Variants in POLA1 observed in about 807,000 individuals in gnomAD.
POLA1 encodes the protein DNA polymerase alpha catalytic subunit.
POLA1 carries 15 observed loss-of-function variants against 124.0 expected under a neutral mutation model. The observed-to-expected ratio is 0.12, with a 90% CI of 0.08 to 0.19. POLA1 has a LOEUF of 0.19. POLA1 is among the 10% of genes least tolerant of loss of function. POLA1 has a pLI of 1.00. For missense variants in POLA1, 886 were observed against 1,103.4 expected, an observed-to-expected ratio of 0.80 and a Z score of 2.79; for synonymous variants, 408 against 389.4, an observed-to-expected ratio of 1.05 and a Z score of -0.56.
chrX:24,894,545 G>A (rs746758313), intron 35 of POLA1, among the ~76,000 whole-genome samples: 1 of 112,144 alleles, frequency 8.9e-6, no homozygotes, highest in South Asian at 3.7e-4. Flanking sequence ...TTTTCCCTCT[G>A]AAATTTACGG....
chrX:24,704,445 G>A lies in POLA1; in HGVS notation c.322G>A (p.Asp108Asn). The stretch of plus-strand genomic sequence containing the variant: ...GATTTTTGATGATGACCTTGAAGAT[G>A]ATGCCCTTGATGCTGATGAGAAAGG... ...REIFDDDLED[D>N]ALDADEKGKD... The change falls in exon 4 of 37, where the codon GAT becomes AAT. Residue 108 changes from aspartate (D) to asparagine (N), a missense_variant. This residue lies in a region of POLA1 where 337 missense variants were observed against 402.8 expected (regional missense o/e 0.84). Coordinates refer to ENST00000379068, the MANE Select transcript of POLA1 (RefSeq NM_001330360.2). The A allele has an allele frequency of 8.4e-7, 1 of 1,189,499 alleles. No homozygotes were observed. Among genetic ancestry groups the A allele is most frequent in the Non-Finnish European group, 1.1e-6 (1 of 875,557 alleles).
intron 34 of POLA1, among the ~76,000 whole-genome samples, chrX:24,877,104 A>G (rs1469733266): frequency 8.9e-6 from 1 of 112,170 alleles, no homozygotes; most frequent in Non-Finnish European, 1.9e-5. Flanking sequence ...TAAAAGATGT[A>G]CAAAGTGGAA....
chrX:24,873,051 A>G (rs1156372925), intron 34 of POLA1, among the ~76,000 whole-genome samples: 1 of 111,108 alleles, frequency 9.0e-6, no homozygotes, highest in Admixed American at 9.6e-5. Context: ...CATCACCCAG[A>G]GTCCATAGTT....
intron 26 of POLA1, among the ~76,000 whole-genome samples, chrX:24,764,918 A>G (rs1300310748): frequency 1.8e-5 from 2 of 110,489 alleles, no homozygotes; most frequent in Non-Finnish European, 3.8e-5. Context: ...GTCCCCCCCA[A>G]TCTATTCTCA....
At chrX:24,816,275 G>A (rs953787801) in intron 30 of POLA1, among the ~76,000 whole-genome samples, 2 of 112,183 alleles carry the variant, frequency 1.8e-5, no homozygotes, top group African/African-American at 6.5e-5. Flanking sequence ...TGCATGTAGT[G>A]GTGATGATAT....
rs142034131 is a variant in POLA1, at chrX:24,860,396, C to T, written c.4047+16719C>T. On this transcript the variant is annotated intron_variant, in intron 34 of 36. Coordinates refer to ENST00000379068, the MANE Select transcript of POLA1 (RefSeq NM_001330360.2). ...TGCCCAGTGGACTTCCTTCCTGTTC[C>T]ATACTTGACTGGTAGTTATGGAGCA... Among the ~76,000 whole-genome samples the T allele has an allele frequency of 1.2e-4, 13 of 112,416 alleles. No individual in the cohort carries two copies. In the East Asian group the frequency reaches 2.2e-3, roughly 19 times the overall value.
intron 36 of POLA1, among the ~76,000 whole-genome samples, chrX:24,980,714 T>C (rs961349051): frequency 1.8e-5 from 2 of 110,902 alleles, no homozygotes; most frequent in African/African-American, 3.3e-5. Context: ...GGCTTTTCAC[T>C]TGTAGACTAG....
intron 2 of POLA1, among the ~76,000 whole-genome samples, chrX:24,700,970 A>G (rs889847456): frequency 1.8e-5 from 2 of 111,714 alleles, no homozygotes; most frequent in African/African-American, 6.5e-5. Context: ...TTAAAGATTG[A>G]GTCGAAATGA....
intron 35 of POLA1, among the ~76,000 whole-genome samples, chrX:24,929,397 G>A (rs2047740513): frequency 8.9e-6 from 1 of 112,370 alleles, no homozygotes; most frequent in African/African-American, 3.2e-5. Flanking sequence ...TGGGTGTTCA[G>A]TGTTGGTTAA....
chrX:24,980,846 G>A (rs2048412862), intron 36 of POLA1, among the ~76,000 whole-genome samples: 1 of 111,359 alleles, frequency 9.0e-6, no homozygotes, highest in South Asian at 3.8e-4. Context: ...AAGTACAAGT[G>A]GGATGTGTAA....
chrX:24,971,766 A>C (rs1376932201), intron 36 of POLA1, among the ~76,000 whole-genome samples: 2 of 110,444 alleles, frequency 1.8e-5, no homozygotes, highest in Admixed American at 9.7e-5. Flanking sequence ...ATTAATCAAA[A>C]TTTTCATTTC....
intron 26 of POLA1, among the ~76,000 whole-genome samples, chrX:24,781,614 G>A (rs1458196224): frequency 9.0e-6 from 1 of 111,708 alleles, no homozygotes; most frequent in Non-Finnish European, 1.9e-5. Flanking sequence ...TTCAGTGGGA[G>A]AAATTGTTGT....
intron 34 of POLA1, among the ~76,000 whole-genome samples, chrX:24,876,055 T>C (rs2046926943): frequency 8.9e-6 from 1 of 112,379 alleles, no homozygotes; most frequent in African/African-American, 3.2e-5. Flanking sequence ...ATCGTATTTA[T>C]TATTGAAAAG....
At chrX:24,922,693 T>C (rs998142616) in intron 35 of POLA1, among the ~76,000 whole-genome samples, 2 of 111,616 alleles carry the variant, frequency 1.8e-5, no homozygotes, top group Non-Finnish European at 3.8e-5. Context: ...TTGAAACTAA[T>C]CTGTAGAACC....
Position 24,888,029 on chromosome X carries a change from A to T in POLA1, c.4071A>T (p.Pro1357=), listed in dbSNP as rs765451269. The T allele has an allele frequency of 1.7e-6, 2 of 1,207,007 alleles. No homozygotes were observed. The part of the protein sequence containing the change: ...YYDGWLICEE[P]TCRNRTRHLP... ...AGGGCTGGTTGATATGTGAAGAGCC[A>T]ACCTGTCGCAATCGAACTCGTCACC... is the stretch of plus-strand genomic sequence containing the variant. The change falls in exon 35 of 37, where the codon CCA becomes CCT. Residue 1357 remains proline, a synonymous_variant. Coordinates refer to ENST00000379068, the MANE Select transcript of POLA1 (RefSeq NM_001330360.2).
chrX:24,773,347 A>C (rs1020669834), intron 26 of POLA1, among the ~76,000 whole-genome samples: 2 of 111,910 alleles, frequency 1.8e-5, no homozygotes, highest in African/African-American at 6.5e-5. Flanking sequence ...AATGTTATTT[A>C]CAGTGATTTT....
intron 34 of POLA1, among the ~76,000 whole-genome samples, chrX:24,854,288 A>AC (rs919522612): frequency 6.5e-5 from 7 of 108,523 alleles, no homozygotes; most frequent in African/African-American, 1.0e-4. Context: ...CAGGTGATTC[A>AC]CCCCCCTCGC....
intron 26 of POLA1, among the ~76,000 whole-genome samples, chrX:24,757,406 T>G (rs1161663049): frequency 9.5e-6 from 1 of 105,629 alleles, no homozygotes; most frequent in African/African-American, 3.5e-5. Flanking sequence ...GTCCCTAATC[T>G]AAAAATCTGA....
chrX:24,737,983 G>A (rs1200647657), intron 19 of POLA1, among the ~76,000 whole-genome samples: 1 of 106,511 alleles, frequency 9.4e-6, no homozygotes, highest in African/African-American at 3.7e-5. Context: ...GGAGGCCGAG[G>A]CGGGTGGATC....
Sources: gnomAD v4.1 joint callset for allele counts (sites outside exome capture counted in the v4.1 genomes callset) on GRCh38, gnomAD v4.1.1 for gene constraint, gnomAD v4.1.1 regional missense constraint, MANE v1.5 for transcripts, NCBI Gene and HGNC (gene_info 2026-07-23, HGNC 2026-07-21) for gene names.